The following POLR1E variants were observed in gnomAD, a reference collection of about 807,000 sequenced individuals.
POLR1E encodes the protein RNA polymerase I subunit E, also known as DNA-directed RNA polymerase I subunit RPA49.
POLR1E carries 37 observed loss-of-function variants against 50.9 expected under a neutral mutation model. The ratio of observed to expected loss-of-function variants is 0.73; its 90% confidence interval spans 0.56 to 0.96. The LOEUF (loss-of-function observed/expected upper bound fraction) is 0.96. POLR1E is among the 40% of genes least tolerant of loss of function. The pLI is 0.00. For missense variants in POLR1E, 426 were observed against 518.1 expected (o/e 0.82, Z 1.73); for synonymous variants, 166 against 191.6 (o/e 0.87, Z 1.10).
At chr9:37,486,951 G>A (rs1820588754) in intron 2 of POLR1E, 145 bp downstream of exon 2, 2 of 965,282 alleles carry the variant, frequency 2.1e-6, no homozygotes, top group Admixed American at 5.8e-5. Flanking sequence ...AGCAGCCTGG[G>A]ATGTGGGGAC....
chr9:37,497,086 TG>T (rs1458711034), intron 8 of POLR1E, among the ~76,000 whole-genome samples: 2 of 152,206 alleles, frequency 1.3e-5, no homozygotes, highest in Non-Finnish European at 2.9e-5. Context: ...CTGGGCACGG[TG>T]GCTCACACCT....
chr9:37,492,316 A>G (rs1222008342), intron 4 of POLR1E: 1 of 1,303,758 alleles, frequency 7.7e-7, no homozygotes, highest in South Asian at 1.2e-5. Context: ...ATTTTCTGGA[A>G]AGAGCCAAGG....
chr9:37,489,530 T>C (rs1314773436), intron 4 of POLR1E, 130 bp downstream of exon 4: 1 of 673,070 alleles, frequency 1.5e-6, no homozygotes, highest in Non-Finnish European at 2.3e-6. Context: ...TTTTTTCTGC[T>C]TTGTCTGTGT....
chr9:37,502,782 T>C (rs1339086691), intron 11 of POLR1E, among the ~76,000 whole-genome samples: 1 of 152,208 alleles, frequency 6.6e-6, no homozygotes, highest in Non-Finnish European at 1.5e-5. Flanking sequence ...AGAAAGTTGC[T>C]CACGGGGCTG....
intron 3 of POLR1E, 149 bp from the exon 4 acceptor site, chr9:37,489,163 GGGA>G (rs1173785462): frequency 2.0e-6 from 1 of 488,034 alleles, no homozygotes; most frequent in East Asian, 4.3e-5. Flanking sequence ...GCTTGAACCC[GGGA>G]GGTGGAGGTT....
chr9:37,490,375 A>G, intron 4 of POLR1E: 2 of 644,406 alleles, frequency 3.1e-6, no homozygotes, highest in Non-Finnish European at 5.6e-6. Context: ...CTCAATGAAG[A>G]GAAACATTTT....
chr9:37,496,606 A>AATT (rs71911145), intron 8 of POLR1E, among the ~76,000 whole-genome samples: 3 of 145,596 alleles, frequency 2.1e-5, no homozygotes, highest in Non-Finnish European at 3.0e-5. Context: ...AGTGCCTTGG[A>AATT]ATTATTATTA....
rs545860408 is a variant in POLR1E, at chr9:37,501,637, A to G, written c.969-76A>G. The G allele has an allele frequency of 5.9e-6, 9 of 1,514,760 alleles. No individual in the cohort carries two copies. In the East Asian group the frequency reaches 1.6e-4, roughly 27 times the overall value. 93.8% of individuals were successfully genotyped at this position (1,514,760 alleles called of 1,614,324 possible). A position where few individuals can be genotyped will look rare whatever the true frequency, so the allele number is the denominator to read the frequency against. ...TCCGTGCATATGAGAATAGGATTGG[A>G]TGTTCTTATTTTGCTTTTGGAGAAA... On this transcript the variant is annotated intron_variant, in intron 10 of 11. Transcript: ENST00000377798.
In POLR1E at chr9:37,489,303, T is replaced by C; in HGVS notation, c.258-12T>C. ...AATCCATTGTTATTTGTATTATTTC[T>C]TCTTTATTCAGGCACTTTGTGGGAA... On this transcript the variant is annotated splice_polypyrimidine_tract_variant and intron_variant, in intron 3 of 11. Transcript: ENST00000377798. 1 of 1,569,618 alleles carries C rather than the reference T, an allele frequency of 6.4e-7. No individual in the cohort carries two copies.
chr9:37,489,600 G>A (rs1215911292), intron 4 of POLR1E, among the ~76,000 whole-genome samples, 200 bp downstream of exon 4: 1 of 151,786 alleles, frequency 6.6e-6, no homozygotes. Context: ...TTGAGATGCA[G>A]TCCCACTCTG....
intron 5 of POLR1E, among the ~76,000 whole-genome samples, 174 bp downstream of exon 5, chr9:37,492,889 A>T (rs1435417629): frequency 1.3e-5 from 2 of 152,184 alleles, no homozygotes. Flanking sequence ...CCTTGGTCCC[A>T]CAGAGAACAG....
At chr9:37,496,582 G>A (rs1333286493) in intron 8 of POLR1E, among the ~76,000 whole-genome samples, 1 of 146,260 alleles carries the variant, frequency 6.8e-6, no homozygotes, top group Non-Finnish European at 1.5e-5. Context: ...AAATTTTACT[G>A]GTCATTGAAA....
intron 9 of POLR1E, 50 bp downstream of exon 9, chr9:37,498,274 G>T: frequency 6.4e-7 from 1 of 1,561,984 alleles, no homozygotes; most frequent in Non-Finnish European, 8.8e-7. Context: ...TATATTATTT[G>T]TCTGTAATTC....
chr9:37,495,407 T>A (rs1820766518), intron 7 of POLR1E, 131 bp downstream of exon 7: 1 of 757,700 alleles, frequency 1.3e-6, no homozygotes, highest in Non-Finnish European at 2.3e-6. Context: ...CCTTTGCAGT[T>A]GCTCAGTGCT....
At position 37,494,343 on chromosome 9, in the gene POLR1E, G is replaced by A. The variant is rs571109357; in HGVS notation, c.547+640G>A. 1.1e-4 allele frequency among the ~76,000 whole-genome samples: 17 copies of A among 152,120 alleles called. 1 individual carries two copies. The South Asian group carries it at 3.1e-3, about 28-fold the overall frequency. On this transcript the variant is annotated intron_variant, in intron 6 of 11. Coordinates refer to ENST00000377798, the MANE Select transcript of POLR1E (RefSeq NM_022490.4). ...ATAGGCGCACACCACTGTGCCCTGG[G>A]CAGAGCAGTTTTTCTATTAAGAATG... is the stretch of plus-strand genomic sequence containing the variant.
At chr9:37,501,989 A>T in intron 11 of POLR1E, 145 bp downstream of exon 11, 11 of 822,896 alleles carry the variant, frequency 1.3e-5, no homozygotes, top group Non-Finnish European at 2.0e-5. Flanking sequence ...TTTTCAATGA[A>T]TGAATCATTG....
chr9:37,489,706 T>G (rs921139906), intron 4 of POLR1E, among the ~76,000 whole-genome samples: 4 of 152,142 alleles, frequency 2.6e-5, no homozygotes, highest in Non-Finnish European at 1.5e-5. Context: ...CCCGAGTAGC[T>G]GGGATTACAG....
At chr9:37,495,319 G>A (rs781063367) in intron 7 of POLR1E, 43 bp downstream of exon 7, 1 of 1,501,236 alleles carries the variant, frequency 6.7e-7, no homozygotes, top group African/African-American at 1.4e-5. Flanking sequence ...TTCACAAGTT[G>A]AGATGTTTGC....
At chr9:37,487,748 T>C (rs901525573) in intron 2 of POLR1E, 115 bp from the exon 3 acceptor site, 1 of 966,612 alleles carries the variant, frequency 1.0e-6, no homozygotes, top group Admixed American at 1.8e-5. Flanking sequence ...GATGAACTAG[T>C]TCTAATCCAT....
Sources: allele counts gnomAD v4.1 joint callset (sites outside exome capture counted in the v4.1 genomes callset), GRCh38; gene constraint gnomAD v4.1.1; transcripts MANE v1.5; gene names NCBI Gene and HGNC (gene_info 2026-07-23, HGNC 2026-07-21).